Variants in ABCF1 observed in about 807,000 individuals in gnomAD.
The protein encoded by ABCF1 is ATP binding cassette subfamily F member 1.
ABCF1 carries 73 observed loss-of-function variants against 126.3 expected under a neutral mutation model. The observed-to-expected ratio is 0.58, with a 90% confidence interval of 0.48 to 0.70. The LOEUF is 0.70. Among genes scored for constraint, ABCF1 ranks in the 30% least tolerant of loss-of-function variants. ABCF1 has a pLI of 0.00. For synonymous variants in ABCF1, 345 were observed against 396.4 expected, an observed-to-expected ratio of 0.87 and a Z score of 1.54; for missense variants, 786 against 1,057.5, an observed-to-expected ratio of 0.74 and a Z score of 3.56.
At chr6:30,587,419 AGATCAC>A (rs1802206697) in intron 20 of ABCF1, among the ~76,000 whole-genome samples, 2 of 152,100 alleles carry the variant, frequency 1.3e-5, no homozygotes, top group Non-Finnish European at 2.9e-5. Flanking sequence ...CCGAGGTGGG[AGATCAC>A]CTGAGGTCAG....
rs767264449 is a variant in ABCF1, at chr6:30,584,007, T to A, written c.1102+117T>A. The A allele has an allele frequency of 4.2e-4, 589 of 1,418,310 alleles. No homozygotes were observed. The highest frequency in any genetic ancestry group is 5.5e-4 in the Non-Finnish European group (561 of 1,026,972). The allele number at this position is 1,418,310 out of a possible 1,614,324, so 87.9% of individuals were successfully genotyped here. A position where few individuals can be genotyped will look rare whatever the true frequency, so the allele number is the denominator to read the frequency against. ...AGTTGGAAGGGATGTGGAGGGAGAC[T>A]GGAGACCGGGAAAGGGATGCTAAGG... On this transcript the variant is annotated intron_variant, in intron 12 of 24. Coordinates refer to ENST00000326195, the MANE Select transcript of ABCF1 (RefSeq NM_001025091.2). This position sits in a 1 kb window ranked among gnomAD's most constrained non-coding sequence, Gnocchi z 4.6.
chr6:30,583,076 A>G lies in ABCF1; in HGVS notation c.803A>G (p.Glu268Gly). Residue 268 changes from glutamate to glycine, a missense_variant, in exon 10 of 25, where the codon GAG becomes GGG. Transcript: ENST00000326195. The surrounding 1 kb of genome is among the most constrained non-coding windows in gnomAD (Gnocchi z 4.1). ...KKKLKKQMEY[E>G]RQVASLKAAN... ...TTCCTACCTTCTCAGATGGAGTATG[A>G]GCGCCAAGTGGCTTCATTAAAAGCA... 6.2e-7 allele frequency: 1 copy of G among 1,608,402 alleles called. No individual in the cohort carries two copies. Among genetic ancestry groups the G allele is most frequent in the Non-Finnish European group, 8.5e-7 (1 of 1,176,064 alleles).
Position 30,586,666 on chromosome 6 carries a change from G to A in ABCF1, c.1986G>A (p.Val662=). The change falls in exon 20 of 25, where the codon GTG becomes GTA. Residue 662 remains valine, a synonymous_variant. Coordinates refer to ENST00000326195, the MANE Select transcript of ABCF1 (RefSeq NM_001025091.2). The surrounding 1 kb of genome is among the most constrained non-coding windows in gnomAD (Gnocchi z 4.9). ...SRICIVGPNG[V]GKSTLLLLLT... ...TTTGCATTGTGGGCCCTAATGGTGT[G>A]GGGAAGAGTACGCTACTCCTGCTGC... The A allele has an allele frequency of 6.8e-6, 11 of 1,613,790 alleles. No homozygotes were observed. Among genetic ancestry groups the A allele is most frequent in the South Asian group, 1.1e-5 (1 of 91,082 alleles).
intron 15 of ABCF1, 102 bp downstream of exon 15, chr6:30,585,445 G>A: frequency 6.3e-7 from 1 of 1,580,514 alleles, no homozygotes; most frequent in Non-Finnish European, 8.7e-7. Context: ...GCCTGTGAGT[G>A]GAGCTCTATT....
chr6:30,582,946 G>C, intron 9 of ABCF1, 120 bp from the exon 10 acceptor site: 2 of 1,317,762 alleles, frequency 1.5e-6, no homozygotes, highest in Non-Finnish European at 2.1e-6. Flanking sequence ...ACCTACCTCA[G>C]CCTCCCAGAG....
In ABCF1 at chr6:30,574,295, G is replaced by C. The variant is rs1801390908; in HGVS notation, c.73+2735G>C. ...CACCGCCATGCCTGGCTTATTTTTT[G>C]TTTGTTTTTGTTTTTTGTTTTCTGT... is the stretch of plus-strand genomic sequence containing the variant. On this transcript the variant is annotated intron_variant, in intron 1 of 24. Transcript: ENST00000326195. This position sits in a 1 kb window ranked among gnomAD's most constrained non-coding sequence, Gnocchi z 4.3. 6.6e-6 allele frequency among the ~76,000 whole-genome samples: 1 copy of C among 152,026 alleles called. No homozygotes were observed.
In ABCF1 at chr6:30,590,910, A is replaced by G. The variant is rs1360996179; in HGVS notation, c.*209A>G. The G allele has an allele frequency of 1.9e-6, 1 of 538,626 alleles. No individual in the cohort carries two copies. Among genetic ancestry groups the G allele is most frequent in the Non-Finnish European group, 3.2e-6 (1 of 314,954 alleles). 33.4% of individuals were successfully genotyped at this position (538,626 alleles called of 1,614,324 possible). A position where few individuals can be genotyped will look rare whatever the true frequency, so the allele number is the denominator to read the frequency against. On this transcript the variant is annotated 3_prime_UTR_variant, in exon 25 of 25. Transcript: ENST00000326195. ...AGACTTGTTTGTTCTGCTTCTCTTC[A>G]TATAACTGAGCTGGCCTTATCCTTG...
Position 30,584,666 on chromosome 6 carries a change from A to C in ABCF1, c.1391+100A>C. On this transcript the variant is annotated intron_variant, in intron 14 of 24. Transcript: ENST00000326195. This position sits in a 1 kb window ranked among gnomAD's most constrained non-coding sequence, Gnocchi z 4.6. Reference sequence around the variant, plus strand: ...CTTCCAAGGCCAATAGGGAGGCTCAAGGCTTACCTCTCCCTCCTTACTATC... The same window carrying C: ...CTTCCAAGGCCAATAGGGAGGCTCACGGCTTACCTCTCCCTCCTTACTATC... The C allele has an allele frequency of 1.4e-6, 2 of 1,417,424 alleles. No individual in the cohort carries two copies. The highest frequency in any genetic ancestry group is 1.9e-6 in the Non-Finnish European group (2 of 1,059,410). The allele number at this position is 1,417,424 out of a possible 1,614,324, so 87.8% of individuals were successfully genotyped here. A position where few individuals can be genotyped will look rare whatever the true frequency, so the allele number is the denominator to read the frequency against.
In ABCF1 at chr6:30,586,856, G is replaced by T. The variant is rs781453684; in HGVS notation, c.2031+145G>T. On this transcript the variant is annotated intron_variant, in intron 20 of 24. Transcript: ENST00000326195. The surrounding 1 kb of genome is among the most constrained non-coding windows in gnomAD (Gnocchi z 4.9). ...ATGATTCATTTCCCTAAGAGGGGCA[G>T]TAGAGGAGGAAAGAGCTTAGATCAG... is the stretch of plus-strand genomic sequence containing the variant. The T allele has an allele frequency of 1.4e-5, 13 of 918,162 alleles. No homozygotes were observed. The highest frequency in any genetic ancestry group is 2.2e-5 in the Non-Finnish European group (13 of 598,392). The allele number at this position is 918,162 out of a possible 1,614,324, so 56.9% of individuals were successfully genotyped here. A position where few individuals can be genotyped will look rare whatever the true frequency, so the allele number is the denominator to read the frequency against.
chr6:30,585,631 G>C lies in ABCF1; in HGVS notation c.1549G>C (p.Asp517His). The stretch of plus-strand genomic sequence containing the variant: ...GGGCTTCTTGGATGATGTCTGCACT[G>C]ATATCATCCACCTCGATGCCCAGCG... ...DQGFLDDVCT[D>H]IIHLDAQRLH... Residue 517 changes from aspartate (D) to histidine (H), a missense_variant, in exon 16 of 25, where the codon GAT (aspartate) becomes CAT (histidine). By Grantham distance (81) the Asp-to-His change is moderately conservative. Around this residue, in one of 4 missense-constraint regions of ABCF1, gnomAD observed 288 missense variants for 423.5 expected, o/e 0.68. Coordinates refer to ENST00000326195, the MANE Select transcript of ABCF1 (RefSeq NM_001025091.2). The C allele has an allele frequency of 1.2e-6, 2 of 1,613,046 alleles. No homozygotes were observed. The highest frequency in any genetic ancestry group is 1.7e-6 in the Non-Finnish European group (2 of 1,180,028).
chr6:30,586,709 C>G lies in ABCF1; in HGVS notation c.2029C>G (p.Pro677Ala), dbSNP rs780411175. Residue 677 changes from proline (P) to alanine (A), a missense_variant and splice_region_variant, in exon 20 of 25, where the codon CCG (proline) becomes GCG (alanine). Physicochemically the swap from Pro to Ala is conservative, Grantham distance 27. Coordinates refer to ENST00000326195, the MANE Select transcript of ABCF1 (RefSeq NM_001025091.2). This position sits in a 1 kb window ranked among gnomAD's most constrained non-coding sequence, Gnocchi z 4.9. ...LLLLLTGKLT[P>A]THGEMRKNHR... Reference sequence around the variant, plus strand: ...CCTGCTGCTGACTGGCAAGCTGACACCGGTGAGTCCTGGAGCCAAGGAGGG... The same window carrying G: ...CCTGCTGCTGACTGGCAAGCTGACAGCGGTGAGTCCTGGAGCCAAGGAGGG... The G allele has an allele frequency of 1.9e-6, 3 of 1,613,800 alleles. No homozygotes were observed. The highest frequency in any genetic ancestry group is 1.3e-5 in the African/African-American group (1 of 75,006).
At position 30,590,374 on chromosome 6, in the gene ABCF1, G is replaced by A; in HGVS notation, c.2367G>A (p.Lys789=). 1.2e-6 allele frequency: 2 copies of A among 1,608,716 alleles called. No homozygotes were observed. Among genetic ancestry groups the A allele is most frequent in the Non-Finnish European group, 1.7e-6 (2 of 1,177,430 alleles). Residue 789 remains lysine, a synonymous_variant, in exon 24 of 25, where the codon AAG becomes AAA. Coordinates refer to ENST00000326195, the MANE Select transcript of ABCF1 (RefSeq NM_001025091.2). Reference sequence around the variant, plus strand: ...TAGGGGAGGCCATCAATGAATACAAGGGTGGTAAGTCAGCTGAGAGTGTGC... The same window carrying A: ...TAGGGGAGGCCATCAATGAATACAAAGGTGGTAAGTCAGCTGAGAGTGTGC... ...DALGEAINEY[K]GAVIVVSHDA...
chr6:30,586,865 G>A lies in ABCF1; in HGVS notation c.2031+154G>A, dbSNP rs1372450821. Among the ~76,000 whole-genome samples the A allele has an allele frequency of 1.3e-5, 2 of 152,190 alleles. No individual in the cohort carries two copies. Among genetic ancestry groups the A allele is most frequent in the Admixed American group, 1.3e-4 (2 of 15,268 alleles). ...TTCCCTAAGAGGGGCAGTAGAGGAGGAAAGAGCTTAGATCAGTTCAGGGGG... is the reference window on the plus strand; with the variant it reads ...TTCCCTAAGAGGGGCAGTAGAGGAGAAAAGAGCTTAGATCAGTTCAGGGGG... On this transcript the variant is annotated intron_variant, in intron 20 of 24. Transcript: ENST00000326195. This position sits in a 1 kb window ranked among gnomAD's most constrained non-coding sequence, Gnocchi z 4.9.
rs370684998 is a variant in ABCF1, at chr6:30,586,144, C to T, written c.1724C>T (p.Thr575Met). ...GKSTKQAEKQ[T>M]KEALTRKQQK... Reference sequence around the variant, plus strand: ...CCTCTTCCTCTCCAGGAAAAACAAACGAAGGAAGCCCTGACTCGGAAGCAG... The same window carrying T: ...CCTCTTCCTCTCCAGGAAAAACAAATGAAGGAAGCCCTGACTCGGAAGCAG... Residue 575 changes from threonine (T) to methionine (M), a missense_variant, in exon 18 of 25, where the codon ACG (threonine) becomes ATG (methionine). Thr to Met is a moderately conservative substitution (Grantham distance 81). Coordinates refer to ENST00000326195, the MANE Select transcript of ABCF1 (RefSeq NM_001025091.2). The surrounding 1 kb of genome is among the most constrained non-coding windows in gnomAD (Gnocchi z 4.9). 7 of 1,610,570 alleles carry T rather than the reference C, an allele frequency of 4.3e-6. No individual in the cohort carries two copies. Among genetic ancestry groups the T allele is most frequent in the South Asian group, 3.3e-5 (3 of 90,828 alleles).
At position 30,583,104 on chromosome 6, in the gene ABCF1, C is replaced by T. The variant is rs145028250; in HGVS notation, c.831C>T (p.Ala277=). The T allele has an allele frequency of 1.7e-4, 276 of 1,611,580 alleles. No individual in the cohort carries two copies. In the African/African-American group the frequency reaches 3.1e-3, roughly 18 times the overall value. Reference sequence around the variant, plus strand: ...GCCAAGTGGCTTCATTAAAAGCAGCCAATGCAGCTGAAAATGACTTCTCCG... The same window carrying T: ...GCCAAGTGGCTTCATTAAAAGCAGCTAATGCAGCTGAAAATGACTTCTCCG... ...YERQVASLKA[A]NAAENDFSVS... The change falls in exon 10 of 25, where the codon GCC becomes GCT. Residue 277 remains alanine (A), a synonymous_variant. Coordinates refer to ENST00000326195, the MANE Select transcript of ABCF1 (RefSeq NM_001025091.2). This position sits in a 1 kb window ranked among gnomAD's most constrained non-coding sequence, Gnocchi z 4.1.
At position 30,586,589 on chromosome 6, in the gene ABCF1, C is replaced by G; in HGVS notation, c.1960+41C>G. 1 of 1,612,946 alleles carries G rather than the reference C, an allele frequency of 6.2e-7. No individual in the cohort carries two copies. Among genetic ancestry groups the G allele is most frequent in the South Asian group, 1.1e-5 (1 of 91,066 alleles). On this transcript the variant is annotated intron_variant, in intron 19 of 24. Coordinates refer to ENST00000326195, the MANE Select transcript of ABCF1 (RefSeq NM_001025091.2). The surrounding 1 kb of genome is among the most constrained non-coding windows in gnomAD (Gnocchi z 4.9). ...TGCCTCAGGGATGTGTAGCAGGAGC[C>G]ACAGGGAGAGTCTCTGGGGACCTCT...
rs1427918889 is a variant in ABCF1, at chr6:30,583,376, C to T, written c.915+188C>T. Among the ~76,000 whole-genome samples the T allele has an allele frequency of 2.0e-5, 3 of 152,130 alleles. No homozygotes were observed. In the East Asian group the frequency reaches 5.8e-4, roughly 29 times the overall value. Reference sequence around the variant, plus strand: ...AAAAACCAGTAGAAGTGGGGTCCACCCTTGGCAGAAAATAGTGTGGGACAG... The same window carrying T: ...AAAAACCAGTAGAAGTGGGGTCCACTCTTGGCAGAAAATAGTGTGGGACAG... On this transcript the variant is annotated intron_variant, in intron 10 of 24. Transcript: ENST00000326195. This position sits in a 1 kb window ranked among gnomAD's most constrained non-coding sequence, Gnocchi z 4.1.
rs749772013 is a variant in ABCF1 at position 30,584,234 on chromosome 6, G to T, written c.1145G>T (p.Arg382Leu). 12 of 1,612,880 alleles carry T rather than the reference G, an allele frequency of 7.4e-6. No homozygotes were observed. The highest frequency in any genetic ancestry group is 1.0e-5 in the Non-Finnish European group (12 of 1,180,028). ...ACACCAGCAGTCCAGGCTGTTCTTC[G>T]AGCTGACACCAAGCGATTGAAGCTG... is the stretch of plus-strand genomic sequence containing the variant. ...DETPAVQAVL[R>L]ADTKRLKLLE... Residue 382 changes from arginine (R) to leucine (L), a missense_variant, in exon 13 of 25, where the codon CGA becomes CTA. Coordinates refer to ENST00000326195, the MANE Select transcript of ABCF1 (RefSeq NM_001025091.2). The surrounding 1 kb of genome is among the most constrained non-coding windows in gnomAD (Gnocchi z 4.6).
Position 30,582,491 on chromosome 6 carries a change from A to G in ABCF1, c.776A>G (p.Lys259Arg). The G allele has an allele frequency of 6.2e-7, 1 of 1,613,034 alleles. No homozygotes were observed. The highest frequency in any genetic ancestry group is 8.5e-7 in the Non-Finnish European group (1 of 1,180,006). ...GCTCATCTTAGCAAAAAGGAGAAGA[A>G]AAAGCTGAAAAAACAGGTAAGACCT... ...PYAHLSKKEK[K>R]KLKKQMEYER... Residue 259 changes from lysine (K) to arginine (R), a missense_variant, in exon 9 of 25, where the codon AAA (lysine) becomes AGA (arginine). Lys to Arg is a conservative substitution (Grantham distance 26). Coordinates refer to ENST00000326195, the MANE Select transcript of ABCF1 (RefSeq NM_001025091.2).
Sources: gnomAD v4.1 joint callset for allele counts (sites outside exome capture counted in the v4.1 genomes callset) on GRCh38, gnomAD v4.1.1 for gene constraint, gnomAD v4.1.1 regional missense constraint, Gnocchi (gnomAD v3.1) non-coding constraint, MANE v1.5 for transcripts, NCBI Gene and HGNC (gene_info 2026-07-23, HGNC 2026-07-21) for gene names.